The following SETD4 variants were observed in gnomAD, a reference collection of about 807,000 sequenced individuals.
SETD4 encodes the protein SET domain containing 4.
SETD4 carries 46 observed loss-of-function variants against 58.3 expected under a neutral mutation model. That is an observed-to-expected ratio of 0.79 (90% CI 0.62 to 1.01). The LOEUF (loss-of-function observed/expected upper bound fraction) is 1.01. SETD4 is among the 50% of genes least tolerant of loss of function. The probability of loss-of-function intolerance (pLI) is 0.00; values close to 1 mark genes in which losing one functional copy is unlikely to be tolerated. For synonymous variants in SETD4, 190 were observed against 202.6 expected (o/e 0.94, Z 0.53); for missense variants, 490 against 523.3 (o/e 0.94, Z 0.62).
rs1002012338 is a variant in SETD4 at position 36,035,910 on chromosome 21, G to C, written c.*83C>G. 3 of 608,702 alleles carry C rather than the reference G, an allele frequency of 4.9e-6. No individual in the cohort carries two copies. In the Admixed American group the frequency reaches 9.5e-5, roughly 19 times the overall value. The allele number at this position is 608,702 out of a possible 1,614,324, so 37.7% of individuals were successfully genotyped here. Reference sequence around the variant, plus strand: ...TGCAGAAATCCTGCATGTCCTGGGGGCAGCCACCACCCCAGCCCATGATGA... The same window carrying C: ...TGCAGAAATCCTGCATGTCCTGGGGCCAGCCACCACCCCAGCCCATGATGA... On this transcript the variant is annotated 3_prime_UTR_variant, in exon 12 of 12. Coordinates refer to ENST00000332131, the MANE Select transcript of SETD4 (RefSeq NM_017438.5).
intron 7 of SETD4, chr21:36,042,136 C>G (rs1428289643): frequency 1.2e-5 from 3 of 260,502 alleles, no homozygotes; most frequent in African/African-American, 4.5e-5. Flanking sequence ...CCTGCTCCCA[C>G]TAAGTAAATC....
At chr21:36,052,552 T>C (rs1263228730) in intron 4 of SETD4, among the ~76,000 whole-genome samples, 1 of 133,956 alleles carries the variant, frequency 7.5e-6, no homozygotes, top group Non-Finnish European at 1.6e-5. Context: ...AGCAAGACTC[T>C]GTCTCAAAAA....
chr21:36,041,998 A>C, intron 7 of SETD4, 110 bp from the exon 8 acceptor site: 1 of 581,568 alleles, frequency 1.7e-6, no homozygotes, highest in South Asian at 2.0e-5. Flanking sequence ...AGACATGCAT[A>C]AACAGTTCCA....
chr21:36,046,794 C>T (rs564498036), intron 5 of SETD4, among the ~76,000 whole-genome samples: 6 of 152,288 alleles, frequency 3.9e-5, no homozygotes, highest in East Asian at 3.9e-4. Context: ...ATCAATCCTT[C>T]GACATCCAGA....
At chr21:36,041,464 G>A (rs1417057496) in intron 8 of SETD4, among the ~76,000 whole-genome samples, 3 of 152,200 alleles carry the variant, frequency 2.0e-5, no homozygotes, top group Non-Finnish European at 4.4e-5. Flanking sequence ...TGCCAGGTGC[G>A]TGGGCTCTCC....
intron 4 of SETD4, 174 bp downstream of exon 4, chr21:36,053,409 G>C: frequency 1.5e-6 from 1 of 680,524 alleles, no homozygotes; most frequent in South Asian, 1.9e-5. Flanking sequence ...TTTTGGGCTT[G>C]TCTTTTATTG....
chr21:36,037,077 A>G (rs2063813460), intron 10 of SETD4, among the ~76,000 whole-genome samples: 2 of 152,170 alleles, frequency 1.3e-5, no homozygotes, highest in Non-Finnish European at 2.9e-5. Context: ...TTTCAGCTGG[A>G]CCAGAGGATT....
At position 36,040,598 on chromosome 21, in the gene SETD4, CAACTT is replaced by C. The variant is rs779155444; in HGVS notation, c.1036_1040del (p.Lys346ValfsTer6). ...ACAATTTCTCAGCTTCCAGACATAA[CAACTT>C]AAGGGCTGTGAGTAGCCTCCAAGAT... is the stretch of plus-strand genomic sequence containing the variant. On this transcript the variant is annotated frameshift_variant, in exon 9 of 12. Transcript: ENST00000332131. LOFTEE classifies it high-confidence loss of function. 1.9e-5 allele frequency: 31 copies of C among 1,613,880 alleles called. No homozygotes were observed. The highest frequency in any genetic ancestry group is 2.6e-5 in the Non-Finnish European group (31 of 1,179,862).
At chr21:36,049,712 AT>A (rs1355547400) in intron 4 of SETD4, among the ~76,000 whole-genome samples, 2 of 152,254 alleles carry the variant, frequency 1.3e-5, no homozygotes, top group Non-Finnish European at 2.9e-5. Flanking sequence ...AAATCTCTTT[AT>A]CATCAAAATG....
chr21:36,036,210 T>C lies in SETD4; in HGVS notation c.1230A>G (p.Gln410=), dbSNP rs747366198. ...TCCACAAGGATTCCACCAAAGTTAGTTGGTTTATCAGGGCCTCTTTTTCAT... is the reference window on the plus strand; with the variant it reads ...TCCACAAGGATTCCACCAAAGTTAGCTGGTTTATCAGGGCCTCTTTTTCAT... The part of the protein sequence containing the change: ...MKDEKEALIN[Q]LTLVESLWTE... Residue 410 remains glutamine (Q), a synonymous_variant, in exon 11 of 12, where the codon CAA becomes CAG. Coordinates refer to ENST00000332131, the MANE Select transcript of SETD4 (RefSeq NM_017438.5). The C allele has an allele frequency of 6.8e-6, 11 of 1,613,254 alleles. No individual in the cohort carries two copies. In the South Asian group the frequency reaches 8.8e-5, roughly 13 times the overall value.
chr21:36,040,260 T>C (rs1476523053), intron 9 of SETD4, among the ~76,000 whole-genome samples: 2 of 152,228 alleles, frequency 1.3e-5, no homozygotes, highest in African/African-American at 4.8e-5. Flanking sequence ...TCAGAGACTT[T>C]CCTCTGAACA....
At chr21:36,057,423 C>A (rs558277718) in intron 2 of SETD4, 3 of 703,318 alleles carry the variant, frequency 4.3e-6, no homozygotes, top group African/African-American at 3.5e-5. Context: ...GGCGGGAGGA[C>A]TGCTTGAGGC....
chr21:36,059,989 G>A (rs2065211021), intron 1 of SETD4: 2 of 985,580 alleles, frequency 2.0e-6, no homozygotes, highest in South Asian at 4.7e-5. Context: ...CCCGGTGACC[G>A]CCACAGACAC....
chr21:36,035,010 A>G lies in SETD4; in HGVS notation c.*983T>C, dbSNP rs1476491061. 6.6e-6 allele frequency: 1 copy of G among 152,206 alleles called. No individual in the cohort carries two copies. The highest frequency in any genetic ancestry group is 1.5e-5 in the Non-Finnish European group (1 of 68,024). The allele number at this position is 152,206 out of a possible 1,614,324, so 9.4% of individuals were successfully genotyped here. Reference sequence around the variant, plus strand: ...CTCCTGAGGCCAGCAGGTCCCGTTCATTTGGTTTCACTAGGCTCCAATGAG... The same window carrying G: ...CTCCTGAGGCCAGCAGGTCCCGTTCGTTTGGTTTCACTAGGCTCCAATGAG... On this transcript the variant is annotated 3_prime_UTR_variant, in exon 12 of 12. Coordinates refer to ENST00000332131, the MANE Select transcript of SETD4 (RefSeq NM_017438.5).
In SETD4 at chr21:36,048,370, A is replaced by G. The variant is rs1210579579; in HGVS notation, c.234T>C (p.Pro78=). The change falls in exon 5 of 12, where the codon CCT becomes CCC. Residue 78 remains proline, a synonymous_variant. Coordinates refer to ENST00000332131, the MANE Select transcript of SETD4 (RefSeq NM_017438.5). The stretch of plus-strand genomic sequence containing the variant: ...TGTCCGTGGTGAGCAGGCAACTCTC[A>G]GGCAACGAAATAATCATCTGTCCCT... ...LQEGQMIISL[P]ESCLLTTDTV... is the part of the protein sequence containing the mutation. The G allele has an allele frequency of 1.2e-6, 2 of 1,614,124 alleles. No homozygotes were observed. Among genetic ancestry groups the G allele is most frequent in the East Asian group, 4.5e-5 (2 of 44,860 alleles).
chr21:36,057,090 G>C lies in SETD4; in HGVS notation c.169+19C>G. The C allele has an allele frequency of 6.2e-7, 1 of 1,608,196 alleles. No homozygotes were observed. Among genetic ancestry groups the C allele is most frequent in the Middle Eastern group, 1.7e-4 (1 of 6,044 alleles). On this transcript the variant is annotated intron_variant, in intron 3 of 11. Coordinates refer to ENST00000332131, the MANE Select transcript of SETD4 (RefSeq NM_017438.5). ...CTCTCGTGTGGGAAAGGGCAGGACA[G>C]CTGAAGGCTAGATCTTACCTGGAAA...
intron 3 of SETD4, among the ~76,000 whole-genome samples, chr21:36,054,115 C>T (rs2064860072): frequency 6.6e-6 from 1 of 152,206 alleles, no homozygotes; most frequent in South Asian, 2.1e-4. Context: ...ATCCTCCCCT[C>T]TCTGATCAGG....
rs953281808 is a variant in SETD4 at position 36,060,327 on chromosome 21, C to G, written c.-37+20G>C. ...TACCCGGGCAACTGGAGGCCCGACCCGGAAGTCCTACTAGCTCACCTAGGC... is the reference window on the plus strand; with the variant it reads ...TACCCGGGCAACTGGAGGCCCGACCGGGAAGTCCTACTAGCTCACCTAGGC... On this transcript the variant is annotated intron_variant, in intron 1 of 11. Transcript: ENST00000332131. 4.0e-5 allele frequency: 8 copies of G among 200,020 alleles called. No homozygotes were observed. Among genetic ancestry groups the G allele is most frequent in the Admixed American group, 3.9e-4 (6 of 15,344 alleles). The allele number at this position is 200,020 out of a possible 1,614,324, so 12.4% of individuals were successfully genotyped here.
At chr21:36,043,749 A>G in intron 7 of SETD4, 33 bp downstream of exon 7, 1 of 1,604,146 alleles carries the variant, frequency 6.2e-7, no homozygotes, top group South Asian at 1.1e-5. Flanking sequence ...AAAATTATAT[A>G]GTGTTAATGT....
Sources: allele counts gnomAD v4.1 joint callset (sites outside exome capture counted in the v4.1 genomes callset), GRCh38; gene constraint gnomAD v4.1.1; transcripts MANE v1.5; gene names NCBI Gene and HGNC (gene_info 2026-07-23, HGNC 2026-07-21).